Variants in KCNMB2 observed in about 807,000 individuals in gnomAD.
KCNMB2 encodes the protein potassium calcium-activated channel subfamily M regulatory beta subunit 2, also known as calcium-activated potassium channel subunit beta-2.
KCNMB2 carries 9 observed loss-of-function variants against 24.5 expected under a neutral mutation model. The observed-to-expected ratio is 0.37, with a 90% CI of 0.22 to 0.64. KCNMB2 has a LOEUF of 0.64. Among genes scored for constraint, KCNMB2 ranks in the 30% least tolerant of loss-of-function variants. KCNMB2 has a pLI of 0.63. For missense variants in KCNMB2, 226 were observed against 284.3 expected (o/e 0.79, Z 1.47); for synonymous variants, 109 against 104.4 (o/e 1.04, Z -0.27).
intron 1 of KCNMB2, among the ~76,000 whole-genome samples, chr3:178,806,361 AAAT>A (rs1713968088): frequency 6.6e-6 from 1 of 152,192 alleles, no homozygotes. Flanking sequence ...GTATGTGCAT[AAAT>A]AATACATTCA....
At chr3:178,814,932 C>T (rs1714344036) in intron 2 of KCNMB2, among the ~76,000 whole-genome samples, 1 of 152,058 alleles carries the variant, frequency 6.6e-6, no homozygotes. Context: ...TCTGTTTACT[C>T]TGTTAATTAT....
chr3:178,818,997 C>A (rs147662610), intron 2 of KCNMB2, among the ~76,000 whole-genome samples: 1 of 152,200 alleles, frequency 6.6e-6, no homozygotes, highest in African/African-American at 2.4e-5. Flanking sequence ...TTAATCATCA[C>A]CATTTAAATC....
chr3:178,824,804 T>C (rs555034056), intron 2 of KCNMB2: 1 of 152,324 alleles, frequency 6.6e-6, no homozygotes, highest in African/African-American at 2.4e-5. Context: ...TTGTTATTGA[T>C]CACACAGCTA....
At position 178,708,924 on chromosome 3, in the gene KCNMB2, G is replaced by A. The variant is rs80030460; in HGVS notation, c.-67-98419G>A. ...TAAAAGAACAAATGAATGAATGAGC[G>A]AATGAATAAATAATACTCTAAAGTC... On this transcript the variant is annotated intron_variant, in intron 1 of 4. Coordinates refer to ENST00000452583, the MANE Select transcript of KCNMB2 (RefSeq NM_181361.3). Among the ~76,000 whole-genome samples, 16 of 152,176 alleles carry A rather than the reference G, an allele frequency of 1.1e-4. No individual in the cohort carries two copies. In the East Asian group the frequency reaches 2.5e-3, roughly 24 times the overall value.
intron 4 of KCNMB2, among the ~76,000 whole-genome samples, chr3:178,840,148 T>A (rs886531710): frequency 2.0e-5 from 3 of 152,094 alleles, no homozygotes; most frequent in African/African-American, 7.2e-5. Context: ...CCCATACAAG[T>A]CCAAAACCTG....
chr3:178,771,598 T>C (rs1173427150), intron 1 of KCNMB2, among the ~76,000 whole-genome samples: 1 of 149,742 alleles, frequency 6.7e-6, no homozygotes, highest in African/African-American at 2.5e-5. Flanking sequence ...CCTCCCAATC[T>C]TGGCCTCCCA....
At chr3:178,695,055 C>T (rs1172869921) in intron 1 of KCNMB2, among the ~76,000 whole-genome samples, 1 of 152,250 alleles carries the variant, frequency 6.6e-6, no homozygotes, top group East Asian at 1.9e-4. Flanking sequence ...TCTATACGTC[C>T]TCTGAAATCT....
At chr3:178,747,058 A>G (rs1382485638) in intron 1 of KCNMB2, 1 of 152,602 alleles carries the variant, frequency 6.6e-6, no homozygotes, top group Non-Finnish European at 1.5e-5. Context: ...TTCTACTGAT[A>G]CCAATTTACT....
At chr3:178,824,725 A>G (rs1161921612) in intron 2 of KCNMB2, 1 of 152,200 alleles carries the variant, frequency 6.6e-6, no homozygotes, top group Non-Finnish European at 1.5e-5. Flanking sequence ...CATGTCACTT[A>G]GCCATTAAAA....
intron 1 of KCNMB2, among the ~76,000 whole-genome samples, chr3:178,662,225 T>G (rs569123094): frequency 6.6e-6 from 1 of 152,300 alleles, no homozygotes; most frequent in East Asian, 1.9e-4. Context: ...GAATACCCTT[T>G]GCTAAACTGT....
chr3:178,759,574 A>AG (rs1367838695), intron 1 of KCNMB2, among the ~76,000 whole-genome samples: 39 of 127,866 alleles, frequency 3.1e-4, no homozygotes, highest in African/African-American at 1.1e-3. Context: ...TCTCTCCACG[A>AG]GGATATATAT....
At chr3:178,599,016 T>C (rs1267167542) in intron 1 of KCNMB2, among the ~76,000 whole-genome samples, 2 of 152,154 alleles carry the variant, frequency 1.3e-5, no homozygotes, top group Non-Finnish European at 2.9e-5. Context: ...GATGGAGTTA[T>C]GCAGAGGATG....
intron 2 of KCNMB2, among the ~76,000 whole-genome samples, chr3:178,818,183 T>G (rs1714481808): frequency 6.6e-6 from 1 of 152,238 alleles, no homozygotes; most frequent in African/African-American, 2.4e-5. Flanking sequence ...TTTGTTTCTC[T>G]GACTACTTAA....
chr3:178,547,943 T>A (rs191523786), intron 1 of KCNMB2, among the ~76,000 whole-genome samples: 13 of 152,384 alleles, frequency 8.5e-5, no homozygotes, highest in African/African-American at 2.6e-4. Flanking sequence ...GTACCACAAA[T>A]CTTCCAGCTA....
At chr3:178,667,993 T>A (rs566787013) in intron 1 of KCNMB2, among the ~76,000 whole-genome samples, 1 of 152,272 alleles carries the variant, frequency 6.6e-6, no homozygotes, top group South Asian at 2.1e-4. Context: ...AGTACGTATC[T>A]CTTTTTACAT....
rs1577164134 is a variant in KCNMB2, at chr3:178,759,961, TATATATATATATATATATATCCAAGAGG to T, written c.-67-47347_-67-47320del. Among the ~76,000 whole-genome samples the T allele has an allele frequency of 3.3e-4, 9 of 27,532 alleles. 2 individuals are homozygous for T. The highest frequency in any genetic ancestry group is 3.0e-3 in the East Asian group (5 of 1,678). The allele number at this position is 27,532 out of a possible 152,430, so 18.1% of individuals were successfully genotyped here. On this transcript the variant is annotated intron_variant, in intron 1 of 4. Coordinates refer to ENST00000452583, the MANE Select transcript of KCNMB2 (RefSeq NM_181361.3). ...CTATATATATATATATCCAAGAGGA[TATATATATATATATATATATCCAAGAGG>T]ATATATATATATATATATATCCAAG...
rs145068784 is a variant in KCNMB2 at position 178,844,283 on chromosome 3, G to A, written c.*1346G>A. On this transcript the variant is annotated 3_prime_UTR_variant, in exon 5 of 5. Coordinates refer to ENST00000452583, the MANE Select transcript of KCNMB2 (RefSeq NM_181361.3). Reference sequence around the variant, plus strand: ...TAATGCAAAATTTTACAAATCATTTGTGGAATGAATGGTAAAACTAATCTG... The same window carrying A: ...TAATGCAAAATTTTACAAATCATTTATGGAATGAATGGTAAAACTAATCTG... 22 of 152,484 alleles carry A rather than the reference G, an allele frequency of 1.4e-4. No homozygotes were observed. The highest frequency in any genetic ancestry group is 4.1e-4 in the African/African-American group (17 of 41,522). The allele number at this position is 152,484 out of a possible 1,614,324, so 9.4% of individuals were successfully genotyped here.
intron 1 of KCNMB2, among the ~76,000 whole-genome samples, chr3:178,778,893 G>A (rs1366435838): frequency 6.6e-6 from 1 of 152,150 alleles, no homozygotes; most frequent in African/African-American, 2.4e-5. Flanking sequence ...GGTTATGAAT[G>A]GCACAGCATA....
intron 1 of KCNMB2, among the ~76,000 whole-genome samples, chr3:178,537,829 G>C (rs912054667): frequency 6.6e-6 from 1 of 152,084 alleles, no homozygotes; most frequent in African/African-American, 2.4e-5. Flanking sequence ...CTGTAAAGAT[G>C]TTGCTTTATA....
Sources: gnomAD v4.1 joint callset for allele counts (sites outside exome capture counted in the v4.1 genomes callset) on GRCh38, gnomAD v4.1.1 for gene constraint, MANE v1.5 for transcripts, NCBI Gene and HGNC (gene_info 2026-07-23, HGNC 2026-07-21) for gene names.